Variants in WDR35 observed in about 807,000 individuals in gnomAD.
The protein encoded by WDR35 is WD repeat-containing protein 35.
WDR35 carries 118 observed loss-of-function variants against 158.3 expected under a neutral mutation model. The observed-to-expected ratio is 0.75, with a 90% CI of 0.64 to 0.87. The LOEUF is 0.87. Among genes scored for constraint, WDR35 ranks in the 40% least tolerant of loss-of-function variants. The pLI is 0.00. For missense variants in WDR35, 1,263 were observed against 1,405.8 expected, an observed-to-expected ratio of 0.90 and a Z score of 1.62; for synonymous variants, 448 against 476.1, an observed-to-expected ratio of 0.94 and a Z score of 0.77.
chr2:19,952,879 C>T (rs1050276016), intron 12 of WDR35, among the ~76,000 whole-genome samples: 1 of 149,590 alleles, frequency 6.7e-6, no homozygotes, highest in African/African-American at 2.5e-5. Flanking sequence ...AGCTCCGCCT[C>T]CCGGGTTCAC....
At chr2:19,969,875 G>A (rs1671981836) in intron 8 of WDR35, among the ~76,000 whole-genome samples, 2 of 151,750 alleles carry the variant, frequency 1.3e-5, no homozygotes, top group African/African-American at 4.8e-5. Context: ...AGCCTCCTGA[G>A]TAGCTGGGAC....
chr2:19,931,320 A>G lies in WDR35; in HGVS notation c.2913T>C (p.His971=), dbSNP rs561223092. Reference sequence around the variant, plus strand: ...CTCGCTGGGCATTCTTCATCTGTTCATGGTATTGCTCTATAAGTAAGGCTG... The same window carrying G: ...CTCGCTGGGCATTCTTCATCTGTTCGTGGTATTGCTCTATAAGTAAGGCTG... ...VLSALLIEQY[H]EQMKNAQRGK... is the part of the protein sequence containing the mutation. Residue 971 remains histidine (H), a synonymous_variant, in exon 24 of 27, where the codon CAT becomes CAC. Coordinates refer to ENST00000281405, the MANE Select transcript of WDR35 (RefSeq NM_020779.4). 83 of 1,612,002 alleles carry G rather than the reference A, an allele frequency of 5.1e-5. No individual in the cohort carries two copies. The South Asian group carries it at 8.8e-4, about 17-fold the overall frequency.
intron 15 of WDR35, 72 bp downstream of exon 15, chr2:19,946,389 C>T: frequency 8.2e-7 from 1 of 1,224,576 alleles, no homozygotes; most frequent in Non-Finnish European, 1.2e-6. Context: ...ACATTTATTA[C>T]ATATAAATCT....
intron 24 of WDR35, 131 bp from the exon 25 acceptor site, chr2:19,930,683 T>A: frequency 7.3e-7 from 1 of 1,370,104 alleles, no homozygotes; most frequent in Non-Finnish European, 1.0e-6. Flanking sequence ...TTACAGACTT[T>A]TTTTTTTAAG....
At chr2:19,942,510 T>C (rs1670910384) in intron 16 of WDR35, among the ~76,000 whole-genome samples, 2 of 151,606 alleles carry the variant, frequency 1.3e-5, no homozygotes, top group African/African-American at 4.9e-5. Context: ...ATAAAGTAGC[T>C]GCCCTAGATC....
At chr2:19,988,283 TA>T (rs1320824514) in intron 2 of WDR35, among the ~76,000 whole-genome samples, 1 of 152,204 alleles carries the variant, frequency 6.6e-6, no homozygotes, top group Non-Finnish European at 1.5e-5. Context: ...TTATTATTCA[TA>T]CCGCATTCAA....
In WDR35 at chr2:19,935,395, A is replaced by T. The variant is rs758480677; in HGVS notation, c.2547+76T>A. Reference sequence around the variant, plus strand: ...GATTTTTAATTTTCTTTATTGTGGGAGATATTTCCTGACTATAACATAAAA... The same window carrying T: ...GATTTTTAATTTTCTTTATTGTGGGTGATATTTCCTGACTATAACATAAAA... On this transcript the variant is annotated intron_variant, in intron 21 of 26. Coordinates refer to ENST00000281405, the MANE Select transcript of WDR35 (RefSeq NM_020779.4). 8 of 1,484,754 alleles carry T rather than the reference A, an allele frequency of 5.4e-6. No individual in the cohort carries two copies. The South Asian group carries it at 8.5e-5, about 16-fold the overall frequency. 92.0% of individuals were successfully genotyped at this position (1,484,754 alleles called of 1,614,324 possible).
chr2:19,913,836 A>G, intron 26 of WDR35, 128 bp from the exon 27 acceptor site: 1 of 1,452,064 alleles, frequency 6.9e-7, no homozygotes, highest in Non-Finnish European at 9.3e-7. Context: ...TTCATTTAAA[A>G]AAGTTATTTC....
At position 19,914,069 on chromosome 2, in the gene WDR35, G is replaced by C; in HGVS notation, c.3330C>G (p.Asn1110Lys). Residue 1110 changes from asparagine (N) to lysine (K), a missense_variant, in exon 26 of 27, where the codon AAC becomes AAG. Physicochemically the swap from Asn to Lys is moderately conservative, Grantham distance 94. Coordinates refer to ENST00000281405, the MANE Select transcript of WDR35 (RefSeq NM_020779.4). ...TAAGGCTGTCCAATTCAGGTTTTCTGTTATCTTTTGAAGTATGTTTGGTGA... is the reference window on the plus strand; with the variant it reads ...TAAGGCTGTCCAATTCAGGTTTTCTCTTATCTTTTGAAGTATGTTTGGTGA... The part of the protein sequence containing the change: ...EIFTKHTSKD[N>K]RKPELDSLME... 6.2e-7 allele frequency: 1 copy of C among 1,614,074 alleles called. No individual in the cohort carries two copies. Among genetic ancestry groups the C allele is most frequent in the Non-Finnish European group, 8.5e-7 (1 of 1,179,962 alleles).
chr2:19,982,589 A>G, intron 2 of WDR35, 55 bp from the exon 3 acceptor site: 2 of 1,559,198 alleles, frequency 1.3e-6, no homozygotes, highest in Non-Finnish European at 1.8e-6. Context: ...GACATATTAT[A>G]AGATTTTGAC....
chr2:19,933,307 A>G, intron 22 of WDR35, 94 bp downstream of exon 22: 1 of 1,011,070 alleles, frequency 9.9e-7, no homozygotes, highest in Middle Eastern at 2.0e-4. Context: ...ATTGGCAATA[A>G]TCTTTAAAAG....
intron 20 of WDR35, 90 bp downstream of exon 20, chr2:19,936,129 T>C: frequency 6.4e-7 from 1 of 1,572,812 alleles, no homozygotes; most frequent in Non-Finnish European, 8.7e-7. Context: ...AAAATGATCT[T>C]CATTTCCCCA....
Position 19,980,744 on chromosome 2 carries a change from T to C in WDR35, c.254A>G (p.Lys85Arg), listed in dbSNP as rs1246278335. Residue 85 changes from lysine (K) to arginine (R), a missense_variant, in exon 4 of 27, where the codon AAG becomes AGG. Transcript: ENST00000281405. ...QVVTWNEQYQ[K>R]LTTSDENGLI... ...CCCGTTTTCATCACTGGTAGTCAACTTCTGATACTGCTCATTCCATGTTAC... is the reference window on the plus strand; with the variant it reads ...CCCGTTTTCATCACTGGTAGTCAACCTCTGATACTGCTCATTCCATGTTAC... The C allele has an allele frequency of 2.5e-6, 4 of 1,613,856 alleles. No individual in the cohort carries two copies. Among genetic ancestry groups the C allele is most frequent in the Non-Finnish European group, 3.4e-6 (4 of 1,179,854 alleles).
intron 25 of WDR35, 65 bp from the exon 26 acceptor site, chr2:19,914,342 G>A: frequency 6.3e-7 from 1 of 1,599,408 alleles, no homozygotes. Flanking sequence ...ACATGCAAAA[G>A]AAGAATCTAA....
chr2:19,961,701 G>A (rs1671665418), intron 10 of WDR35, among the ~76,000 whole-genome samples: 1 of 152,156 alleles, frequency 6.6e-6, no homozygotes. Flanking sequence ...ACAGTTTTGG[G>A]GGATGCTCAA....
chr2:19,959,806 T>G (rs1671575940), intron 11 of WDR35, among the ~76,000 whole-genome samples: 1 of 152,090 alleles, frequency 6.6e-6, no homozygotes, highest in South Asian at 2.1e-4. Flanking sequence ...GTTTTTAATT[T>G]CTTAGATTTA....
At chr2:19,977,104 C>T (rs1469508230) in intron 5 of WDR35, among the ~76,000 whole-genome samples, 1 of 152,130 alleles carries the variant, frequency 6.6e-6, no homozygotes, top group African/African-American at 2.4e-5. Flanking sequence ...AGTGCTGGGA[C>T]TGCAGGCATA....
intron 3 of WDR35, among the ~76,000 whole-genome samples, chr2:19,981,658 C>T (rs556142286): frequency 1.2e-4 from 18 of 152,216 alleles, no homozygotes; most frequent in Admixed American, 3.3e-4. Context: ...CTGGGGACTA[C>T]GGGCACACAG....
At position 19,978,111 on chromosome 2, in the gene WDR35, C is replaced by A. The variant is rs558859979; in HGVS notation, c.436+640G>T. Reference sequence around the variant, plus strand: ...TGATCTAGGTCTGGTCATTGCTGTACCCTTAGTTCCTAAAATGATAGCTGT... The same window carrying A: ...TGATCTAGGTCTGGTCATTGCTGTAACCTTAGTTCCTAAAATGATAGCTGT... On this transcript the variant is annotated intron_variant, in intron 5 of 26. Transcript: ENST00000281405. Among the ~76,000 whole-genome samples the A allele has an allele frequency of 2.0e-5, 3 of 152,156 alleles. No homozygotes were observed. The South Asian group carries it at 6.2e-4, about 32-fold the overall frequency.
Sources: allele counts gnomAD v4.1 joint callset (sites outside exome capture counted in the v4.1 genomes callset), GRCh38; gene constraint gnomAD v4.1.1; transcripts MANE v1.5; gene names NCBI Gene and HGNC (gene_info 2026-07-23, HGNC 2026-07-21).